Variants in DNHD1 observed in about 807,000 individuals in gnomAD.
DNHD1 encodes dynein heavy chain domain 1, also known as dynein heavy chain domain-containing protein 1.
Under a neutral mutation model 458.1 loss-of-function variants are expected in DNHD1, and 383 were observed. The ratio of observed to expected loss-of-function variants is 0.84; its 90% CI spans 0.77 to 0.91. The LOEUF (loss-of-function observed/expected upper bound fraction) is 0.91. DNHD1 is among the 40% of genes least tolerant of loss of function. The pLI is 0.00. For synonymous variants in DNHD1, 2,203 were observed against 2,376.9 expected, an observed-to-expected ratio of 0.93 and a Z score of 2.13; for missense variants, 5,336 against 5,866.1, an observed-to-expected ratio of 0.91 and a Z score of 2.95.
At position 6,540,025 on chromosome 11, in the gene DNHD1, G is replaced by C. The variant is rs1247471264; in HGVS notation, c.3570G>C (p.Val1190=). ...PPASERSKRQ[V]LRSPQWEVVD... is the part of the protein sequence containing the mutation. ...CCTCAGAGCGCTCCAAGAGGCAGGTGCTCCGCAGCCCCCAATGGGAGGTAG... is the reference window on the plus strand; with the variant it reads ...CCTCAGAGCGCTCCAAGAGGCAGGTCCTCCGCAGCCCCCAATGGGAGGTAG... Residue 1190 remains valine (V), a synonymous_variant, in exon 18 of 43, where the codon GTG becomes GTC. Coordinates refer to ENST00000254579, the MANE Select transcript of DNHD1 (RefSeq NM_144666.3). The C allele has an allele frequency of 1.3e-6, 2 of 1,551,578 alleles. No individual in the cohort carries two copies. Among genetic ancestry groups the C allele is most frequent in the Non-Finnish European group, 1.7e-6 (2 of 1,146,946 alleles).
intron 3 of DNHD1, among the ~76,000 whole-genome samples, chr11:6,501,221 T>G (rs757321730): frequency 6.6e-6 from 1 of 152,058 alleles, no homozygotes; most frequent in Non-Finnish European, 1.5e-5. Context: ...ATTTTACGAT[T>G]TTTTTTGTGA....
intron 40 of DNHD1, 26 bp from the exon 41 acceptor site, chr11:6,570,221 C>T (rs1300042563): frequency 1.2e-6 from 2 of 1,613,678 alleles, no homozygotes; most frequent in Admixed American, 1.7e-5. Flanking sequence ...GGTACTGGAA[C>T]TGAGAGACTC....
At chr11:6,500,367 G>A (rs1228270292) in intron 3 of DNHD1, among the ~76,000 whole-genome samples, 1 of 152,246 alleles carries the variant, frequency 6.6e-6, no homozygotes, top group Non-Finnish European at 1.5e-5. Context: ...TCGGGAAGAA[G>A]GCTAGTTTTA....
intron 3 of DNHD1, 50 bp downstream of exon 3, chr11:6,499,011 G>A: frequency 6.6e-7 from 1 of 1,521,026 alleles, no homozygotes; most frequent in Non-Finnish European, 8.8e-7. Flanking sequence ...AAAAGTTGCT[G>A]TTTTATGGGT....
chr11:6,533,259 G>GAGACCTGAAGAGAGT, intron 13 of DNHD1, 75 bp downstream of exon 13: 1 of 1,433,100 alleles, frequency 7.0e-7, no homozygotes, highest in Non-Finnish European at 9.5e-7. Flanking sequence ...ACTCTCTTCA[G>GAGACCTGAAGAGAGT]GTCTCTGCTG....
At chr11:6,556,619 G>A in intron 24 of DNHD1, 64 bp from the exon 25 acceptor site, 3 of 1,431,036 alleles carry the variant, frequency 2.1e-6, no homozygotes, top group East Asian at 2.5e-5. Context: ...GGAATAGAGG[G>A]AACAGGTTGA....
At chr11:6,531,940 G>T (rs984772045) in intron 12 of DNHD1, among the ~76,000 whole-genome samples, 2 of 152,000 alleles carry the variant, frequency 1.3e-5, no homozygotes, top group Non-Finnish European at 2.9e-5. Context: ...AAAATATAAT[G>T]AAGTGGAGCC....
chr11:6,534,185 C>A lies in DNHD1; in HGVS notation c.2998+12C>A, dbSNP rs879767850. 2 of 1,549,102 alleles carry A rather than the reference C, an allele frequency of 1.3e-6. No individual in the cohort carries two copies. The highest frequency in any genetic ancestry group is 2.0e-5 in the Admixed American group (1 of 50,936). Reference sequence around the variant, plus strand: ...TGCCATCTTCACTGGTACTGAGGATCCCTGCACCCTCCATTATCACTCTGT... The same window carrying A: ...TGCCATCTTCACTGGTACTGAGGATACCTGCACCCTCCATTATCACTCTGT... On this transcript the variant is annotated intron_variant, in intron 14 of 42. Coordinates refer to ENST00000254579, the MANE Select transcript of DNHD1 (RefSeq NM_144666.3).
At position 6,567,136 on chromosome 11, in the gene DNHD1, T is replaced by C. The variant is rs767133784; in HGVS notation, c.11627T>C (p.Met3876Thr). 6.2e-7 allele frequency: 1 copy of C among 1,614,048 alleles called. No individual in the cohort carries two copies. The highest frequency in any genetic ancestry group is 1.7e-5 in the Admixed American group (1 of 60,026). Residue 3876 changes from methionine to threonine, a missense_variant, in exon 36 of 43, where the codon ATG becomes ACG. Around this residue, in one of 4 missense-constraint regions of DNHD1, gnomAD observed 695 missense variants for 804.2 expected, o/e 0.86. Transcript: ENST00000254579. ...CAGAACCTGCTGCCACTTTTCTGTA[T>C]GAGCCCAGAGAACTGGCTGGCAGTC... ...QLQNLLPLFC[M>T]SPENWLAVTK...
rs1419658222 is a variant in DNHD1 at position 6,557,908 on chromosome 11, C to T, written c.8613C>T (p.His2871=). The T allele has an allele frequency of 9.7e-6, 15 of 1,551,150 alleles. No individual in the cohort carries two copies. The highest frequency in any genetic ancestry group is 2.7e-5 in the African/African-American group (2 of 73,010). ...HLARCHSMAQ[H]VARLVRVLAR... ...CCCGGTGTCATTCCATGGCCCAGCA[C>T]GTGGCCCGCCTGGTCCGGGTGCTGG... The change falls in exon 25 of 43, where the codon CAC becomes CAT. Residue 2871 remains histidine, a synonymous_variant. Transcript: ENST00000254579.
intron 6 of DNHD1, among the ~76,000 whole-genome samples, chr11:6,509,961 T>C (rs1486495061): frequency 6.6e-6 from 1 of 152,200 alleles, no homozygotes; most frequent in Non-Finnish European, 1.5e-5. Flanking sequence ...TACTAATTGT[T>C]GCTGTTTGGG....
At chr11:6,552,195 A>G (rs558042630) in intron 24 of DNHD1, among the ~76,000 whole-genome samples, 3 of 139,976 alleles carry the variant, frequency 2.1e-5, no homozygotes, top group East Asian at 4.0e-4. Flanking sequence ...TCACACTGCA[A>G]TAAAGAACTA....
chr11:6,540,986 T>C (rs994543444), intron 18 of DNHD1, among the ~76,000 whole-genome samples: 55 of 152,264 alleles, frequency 3.6e-4, no homozygotes, highest in African/African-American at 1.3e-3. Context: ...CTTTCTTGCA[T>C]TAATGTATTG....
intron 7 of DNHD1, among the ~76,000 whole-genome samples, chr11:6,519,245 T>C (rs1276892645): frequency 6.6e-6 from 1 of 152,194 alleles, no homozygotes; most frequent in Non-Finnish European, 1.5e-5. Context: ...GAAATTATTG[T>C]TTAGCCTTAT....
At chr11:6,567,896 G>T in intron 36 of DNHD1, 36 bp downstream of exon 36, 2 of 1,555,792 alleles carry the variant, frequency 1.3e-6, no homozygotes, top group Middle Eastern at 3.4e-4. Context: ...GAGTGACCAG[G>T]CTCCTGTGGG....
rs764538621 is a variant in DNHD1, at chr11:6,567,540, A to G, written c.12031A>G (p.Ser4011Gly). The G allele has an allele frequency of 1.7e-5, 28 of 1,613,182 alleles. No homozygotes were observed. The highest frequency in any genetic ancestry group is 2.3e-5 in the Non-Finnish European group (27 of 1,179,554). ...GTGTGCCTCCCTGGCAGGCCACTCCAGTGCTTGGCAGGCTTACCTGTCACT... is the reference window on the plus strand; with the variant it reads ...GTGTGCCTCCCTGGCAGGCCACTCCGGTGCTTGGCAGGCTTACCTGTCACT... ...GLCASLAGHS[S>G]AWQAYLSLSS... Residue 4011 changes from serine to glycine, a missense_variant, in exon 36 of 43, where the codon AGT becomes GGT. By Grantham distance (56) the Ser-to-Gly change is moderately conservative. Coordinates refer to ENST00000254579, the MANE Select transcript of DNHD1 (RefSeq NM_144666.3).
Position 6,564,035 on chromosome 11 carries a change from C to T in DNHD1, c.10195C>T (p.Leu3399Phe), listed in dbSNP as rs1237387128. The change falls in exon 31 of 43, where the codon CTC (leucine) becomes TTC (phenylalanine). Residue 3399 changes from leucine (L) to phenylalanine (F), a missense_variant. Physicochemically the swap from Leu to Phe is conservative, Grantham distance 22 (BLOSUM62 0). This residue lies in a region of DNHD1 where 3,932 missense variants were observed against 4,365.6 expected (regional missense o/e 0.90). Transcript: ENST00000254579. Reference protein sequence around the residue: ...QASHNCVAKTLSQAQCGQYHK... With the variant: ...QASHNCVAKTFSQAQCGQYHK... ...TTCCCACAACTGCGTGGCAAAGACC[C>T]TCAGTCAAGCACAGTGTGGGCAGTA... 2 of 1,551,620 alleles carry T rather than the reference C, an allele frequency of 1.3e-6. No individual in the cohort carries two copies. Among genetic ancestry groups the T allele is most frequent in the African/African-American group, 2.7e-5 (2 of 73,068 alleles).
At position 6,508,945 on chromosome 11, in the gene DNHD1, T is replaced by C; in HGVS notation, c.986T>C (p.Phe329Ser). 1 of 1,614,180 alleles carries C rather than the reference T, an allele frequency of 6.2e-7. No homozygotes were observed. The highest frequency in any genetic ancestry group is 1.3e-5 in the African/African-American group (1 of 75,040). Residue 329 changes from phenylalanine to serine, a missense_variant, in exon 5 of 43, where the codon TTT (phenylalanine) becomes TCT (serine). Around this residue, in one of 4 missense-constraint regions of DNHD1, gnomAD observed 3,932 missense variants for 4,365.6 expected, o/e 0.90. Coordinates refer to ENST00000254579, the MANE Select transcript of DNHD1 (RefSeq NM_144666.3). ...CCCGAGCACTACATCTTCTCTCCCT[T>C]TGGGATCTTGCATGTACATCCTGTG... ...VNPEHYIFSP[F>S]GILHVHPVEG...
rs1483154839 is a variant in DNHD1, at chr11:6,568,741, G to A, written c.12738G>A (p.Val4246=). ...LELGHVLIDS[V]ELAQQVLYMQ... is the part of the protein sequence containing the mutation. ...TGGGCCATGTTTTGATTGACAGTGT[G>A]GAGCTAGCCCAGCAAGTACTCTACA... The change falls in exon 39 of 43, where the codon GTG becomes GTA. Residue 4246 remains valine (V), a synonymous_variant. Transcript: ENST00000254579. 33 of 1,613,524 alleles carry A rather than the reference G, an allele frequency of 2.0e-5. No individual in the cohort carries two copies. Among genetic ancestry groups the A allele is most frequent in the Non-Finnish European group, 2.8e-5 (33 of 1,179,802 alleles).
Sources: gnomAD v4.1 joint callset for allele counts (sites outside exome capture counted in the v4.1 genomes callset) on GRCh38, gnomAD v4.1.1 for gene constraint, gnomAD v4.1.1 regional missense constraint, MANE v1.5 for transcripts, NCBI Gene and HGNC (gene_info 2026-07-23, HGNC 2026-07-21) for gene names.